NGEF: variants seen among roughly 807,000 people sequenced by gnomAD.
The protein encoded by NGEF is neuronal guanine nucleotide exchange factor.
A neutral mutation model predicts 80.9 loss-of-function variants in NGEF; 31 were observed. The ratio of observed to expected loss-of-function variants is 0.38; its 90% CI spans 0.29 to 0.52. The LOEUF is 0.52. NGEF is among the 20% of genes least tolerant of loss of function. The pLI is 0.84. For synonymous variants in NGEF, 371 were observed against 370.2 expected (o/e 1.00, Z -0.03); for missense variants, 709 against 926.2 (o/e 0.77, Z 3.04).
At chr2:232,986,071 T>TA (rs761257515) in intron 1 of NGEF, among the ~76,000 whole-genome samples, 1 of 152,166 alleles carries the variant, frequency 6.6e-6, no homozygotes, top group South Asian at 2.1e-4. Flanking sequence ...TTAAAATTCT[T>TA]AAAAAAAGAA....
chr2:232,995,089 A>ATGTATAC (rs1553559787), intron 1 of NGEF, among the ~76,000 whole-genome samples: 1,337 of 25,248 alleles, frequency 0.053, 601 homozygotes, highest in African/African-American at 0.28. Flanking sequence ...TGTGTACAGT[A>ATGTATAC]TGTATATGTG....
At chr2:232,982,577 G>A (rs901260683) in intron 1 of NGEF, among the ~76,000 whole-genome samples, 2 of 152,094 alleles carry the variant, frequency 1.3e-5, no homozygotes, top group African/African-American at 4.8e-5. Context: ...GCAGTGGCAC[G>A]ATCTCAGCTA....
chr2:232,906,937 T>A (rs1343547068), intron 5 of NGEF, among the ~76,000 whole-genome samples: 1 of 150,748 alleles, frequency 6.6e-6, no homozygotes, highest in Non-Finnish European at 1.5e-5. Flanking sequence ...TTAAATGGAT[T>A]AAGGGCGGTG....
intron 1 of NGEF, among the ~76,000 whole-genome samples, chr2:233,002,830 C>T (rs1261337794): frequency 1.3e-5 from 2 of 152,188 alleles, no homozygotes; most frequent in Admixed American, 6.5e-5. Context: ...TGAGTGGCAG[C>T]AACAGCATTT....
In NGEF at chr2:232,966,254, A is replaced by G. The variant is rs541749721; in HGVS notation, c.383+3960T>C. Among the ~76,000 whole-genome samples, 3 of 152,152 alleles carry G rather than the reference A, an allele frequency of 2.0e-5. No individual in the cohort carries two copies. In the East Asian group the frequency reaches 5.8e-4, roughly 29 times the overall value. ...GCCTCCCGGGAGGTCTCTGACCACA[A>G]TTCCTTGGCATGTGCAAAGCTCTTA... On this transcript the variant is annotated intron_variant, in intron 3 of 14. Coordinates refer to ENST00000264051, the MANE Select transcript of NGEF (RefSeq NM_019850.3).
intron 3 of NGEF, chr2:232,928,210 G>A (rs1214995521): frequency 5.1e-6 from 5 of 973,086 alleles, no homozygotes; most frequent in Middle Eastern, 5.2e-4. Flanking sequence ...CGAGGGAGGC[G>A]GGAGGGGCGC....
intron 3 of NGEF, among the ~76,000 whole-genome samples, chr2:232,963,214 A>G (rs1693988654): frequency 6.6e-6 from 1 of 151,984 alleles, no homozygotes; most frequent in African/African-American, 2.4e-5. Flanking sequence ...AGATCAATGA[A>G]ACAGAATAAA....
chr2:232,974,543 C>T (rs1694251541), intron 2 of NGEF, 80 bp downstream of exon 2: 1 of 1,478,776 alleles, frequency 6.8e-7, no homozygotes, highest in South Asian at 1.3e-5. Context: ...TATCCTTTCT[C>T]ATTTAATGAG....
rs565809888 is a variant in NGEF at position 232,902,551 on chromosome 2, A to T, written c.829-7635T>A. Among the ~76,000 whole-genome samples the T allele has an allele frequency of 2.8e-4, 42 of 152,356 alleles. 1 individual carries two copies. In the South Asian group the frequency reaches 4.8e-3, roughly 17 times the overall value. ...AACCCAAGCCTCGGCACTCACACAC[A>T]TCACAAATGCCAATTACTACGTTTT... On this transcript the variant is annotated intron_variant, in intron 5 of 14. Transcript: ENST00000264051.
chr2:232,975,000 A>G, intron 1 of NGEF, 36 bp from the exon 2 acceptor site: 1 of 1,096,686 alleles, frequency 9.1e-7, no homozygotes, highest in East Asian at 2.4e-5. Flanking sequence ...TCAGTTAGTC[A>G]TCAGGCTAAG....
chr2:232,937,149 G>A (rs1202128536), intron 3 of NGEF, among the ~76,000 whole-genome samples: 1 of 152,052 alleles, frequency 6.6e-6, no homozygotes. Context: ...TGTATTTTTA[G>A]TAGAGATGGG....
chr2:232,889,949 A>T (rs1464088780), intron 8 of NGEF, among the ~76,000 whole-genome samples: 2 of 150,722 alleles, frequency 1.3e-5, no homozygotes, highest in Admixed American at 6.6e-5. Context: ...TGCACTCTAT[A>T]CCGTCCACTT....
chr2:232,894,683 A>AT, intron 6 of NGEF, 73 bp downstream of exon 6: 1 of 1,360,602 alleles, frequency 7.3e-7, no homozygotes, highest in Non-Finnish European at 9.9e-7. Flanking sequence ...AGCACTTGTC[A>AT]TCAGTGTCTC....
intron 12 of NGEF, among the ~76,000 whole-genome samples, chr2:232,882,906 A>C (rs146688970): frequency 2.6e-5 from 4 of 152,154 alleles, no homozygotes; most frequent in Non-Finnish European, 5.9e-5. Context: ...CCAGCTGCTC[A>C]GAGAGGTGAA....
intron 1 of NGEF, among the ~76,000 whole-genome samples, chr2:232,993,227 C>CTT (rs1694709531): frequency 5.6e-5 from 2 of 35,780 alleles, no homozygotes; most frequent in African/African-American, 3.0e-4. Context: ...TAGATACACA[C>CTT]ATATATATGT....
At chr2:232,955,736 C>G (rs1023939404) in intron 3 of NGEF, among the ~76,000 whole-genome samples, 1 of 152,162 alleles carries the variant, frequency 6.6e-6, no homozygotes, top group African/African-American at 2.4e-5. Context: ...CCAGGCTGGT[C>G]CTGAACTCCT....
At chr2:233,006,721 C>G (rs921608096) in intron 1 of NGEF, among the ~76,000 whole-genome samples, 3 of 152,186 alleles carry the variant, frequency 2.0e-5, no homozygotes, top group Non-Finnish European at 2.9e-5. Flanking sequence ...TGTGCACCAT[C>G]TCATTGAACA....
chr2:233,003,438 C>T (rs528007921), intron 1 of NGEF, among the ~76,000 whole-genome samples: 8 of 152,198 alleles, frequency 5.3e-5, no homozygotes, highest in African/African-American at 7.2e-5. Context: ...GGCAATGGTT[C>T]GCAGCTTAGA....
chr2:232,913,812 C>T lies in NGEF; in HGVS notation c.828+6472G>A, dbSNP rs1351570426. Among the ~76,000 whole-genome samples the T allele has an allele frequency of 3.9e-5, 6 of 151,932 alleles. No homozygotes were observed. The East Asian group carries it at 5.8e-4, about 15-fold the overall frequency. ...GCACGTGCCTGTAATCCCAGTTACTCGGGAGGCTGAGGCAGGAGAATCACT... is the reference window on the plus strand; with the variant it reads ...GCACGTGCCTGTAATCCCAGTTACTTGGGAGGCTGAGGCAGGAGAATCACT... On this transcript the variant is annotated intron_variant, in intron 5 of 14. Transcript: ENST00000264051.
Sources: allele counts gnomAD v4.1 joint callset (sites outside exome capture counted in the v4.1 genomes callset), GRCh38; gene constraint gnomAD v4.1.1; transcripts MANE v1.5; gene names NCBI Gene and HGNC (gene_info 2026-07-23, HGNC 2026-07-21).